The following XKR3 variants were observed in gnomAD, a reference collection of about 807,000 sequenced individuals.
XKR3 encodes the protein XK-related protein 3.
A neutral mutation model predicts 40.3 loss-of-function variants in XKR3; 27 were observed. The ratio of observed to expected loss-of-function variants is 0.67; its 90% CI spans 0.49 to 0.92. The LOEUF (loss-of-function observed/expected upper bound fraction) is 0.92, where lower values mean the gene tolerates loss of function less well. XKR3 is among the 40% of genes least tolerant of loss of function. The pLI, the probability that XKR3 is intolerant of heterozygous loss-of-function variation, is 0.00. For synonymous variants in XKR3, 193 were observed against 195.4 expected (o/e 0.99, Z 0.10); for missense variants, 472 against 537.6 (o/e 0.88, Z 1.21).
At chr22:16,803,318 T>C (rs2060176967) in intron 2 of XKR3, among the ~76,000 whole-genome samples, 1 of 151,986 alleles carries the variant, frequency 6.6e-6, no homozygotes, top group African/African-American at 2.4e-5. Flanking sequence ...AACACCACAC[T>C]AGAAAGCCAC....
intron 1 of XKR3, among the ~76,000 whole-genome samples, chr22:16,813,314 CA>C (rs970535996): frequency 2.7e-5 from 4 of 150,006 alleles, no homozygotes; most frequent in African/African-American, 4.9e-5. Context: ...AACAAACAAA[CA>C]AAAAAAAACA....
intron 2 of XKR3, among the ~76,000 whole-genome samples, chr22:16,805,331 T>A (rs1294415872): frequency 6.6e-6 from 1 of 152,178 alleles, no homozygotes; most frequent in Non-Finnish European, 1.5e-5. Flanking sequence ...TTATTTATAA[T>A]AACCTAAAAA....
At chr22:16,793,479 GTGTTGGGGGTTCTAC>G (rs2060128986) in intron 3 of XKR3, among the ~76,000 whole-genome samples, 1 of 152,234 alleles carries the variant, frequency 6.6e-6, no homozygotes, top group South Asian at 2.1e-4. Context: ...TTCAGTGTGT[GTGTTGGGGGTTCTAC>G]TTCATGTTAT....
intron 3 of XKR3, among the ~76,000 whole-genome samples, chr22:16,789,823 C>T (rs1461616810): frequency 6.6e-6 from 1 of 152,192 alleles, no homozygotes; most frequent in African/African-American, 2.4e-5. Flanking sequence ...AATAAATCCA[C>T]ACACGGATAG....
rs180678687 is a variant in XKR3, at chr22:16,813,047, G to A, written c.-10-4964C>T. Among the ~76,000 whole-genome samples the A allele has an allele frequency of 7.6e-4, 116 of 152,314 alleles. No homozygotes were observed. The East Asian group carries it at 0.019, about 25-fold the overall frequency. Reference sequence around the variant, plus strand: ...CGCCTGTAATCCCAGCACTTTGGGAGGCCGAGGCGGGTGGATCACGAGGTC... The same window carrying A: ...CGCCTGTAATCCCAGCACTTTGGGAAGCCGAGGCGGGTGGATCACGAGGTC... On this transcript the variant is annotated intron_variant, in intron 1 of 3. Transcript: ENST00000684488.
chr22:16,822,523 A>G lies in XKR3; in HGVS notation c.-11+2768T>C, dbSNP rs139946474. 6.1e-3 allele frequency among the ~76,000 whole-genome samples: 934 copies of G among 152,336 alleles called. 13 individuals carry two copies. Among genetic ancestry groups the G allele is most frequent in the African/African-American group, 0.022 (899 of 41,580 alleles). On this transcript the variant is annotated intron_variant, in intron 1 of 3. Coordinates refer to ENST00000684488, the MANE Select transcript of XKR3 (RefSeq NM_001386955.1). ...ATACCACAACTAAAAGGTAAAGCCT[A>G]TAAGAGAAATAAAAATAGTAAAATC... is the stretch of plus-strand genomic sequence containing the variant.
At chr22:16,819,892 A>C (rs1209586074) in intron 1 of XKR3, among the ~76,000 whole-genome samples, 1 of 152,190 alleles carries the variant, frequency 6.6e-6, no homozygotes, top group African/African-American at 2.4e-5. Context: ...AAAATTAATT[A>C]GCTAATGAAC....
At chr22:16,803,955 G>T (rs545455640) in intron 2 of XKR3, among the ~76,000 whole-genome samples, 2 of 152,192 alleles carry the variant, frequency 1.3e-5, no homozygotes, top group South Asian at 4.2e-4. Flanking sequence ...TCTTGCACAA[G>T]ATCCAAGAAC....
At chr22:16,823,327 A>G (rs1056068796) in intron 1 of XKR3, among the ~76,000 whole-genome samples, 11 of 152,232 alleles carry the variant, frequency 7.2e-5, no homozygotes, top group African/African-American at 2.7e-4. Context: ...CGTGGTACAC[A>G]GTGAAGTTTG....
chr22:16,799,314 TGA>T (rs1389636707), intron 3 of XKR3, among the ~76,000 whole-genome samples: 1 of 148,286 alleles, frequency 6.7e-6, no homozygotes, highest in East Asian at 2.0e-4. Flanking sequence ...CTCAGGAGGC[TGA>T]GTCAGAAGAA....
intron 1 of XKR3, among the ~76,000 whole-genome samples, chr22:16,821,884 G>C (rs5016127): frequency 0.6 from 91,010 of 151,802 alleles, 27,396 homozygotes; most frequent in African/African-American, 0.61. Flanking sequence ...CTGTTACATG[G>C]AGTTACAGTT....
rs2060115654 is a variant in XKR3 at position 16,791,530 on chromosome 22, T to A, written c.590-7121A>T. Among the ~76,000 whole-genome samples the A allele has an allele frequency of 2.0e-5, 3 of 150,708 alleles. No homozygotes were observed. In the South Asian group the frequency reaches 6.2e-4, roughly 31 times the overall value. ...AATATGTACACAGAATGGATATTAA[T>A]TGCTCTTACCAAAATAAAAAAAAAA... On this transcript the variant is annotated intron_variant, in intron 3 of 3. Coordinates refer to ENST00000684488, the MANE Select transcript of XKR3 (RefSeq NM_001386955.1).
At chr22:16,808,214 A>C (rs1286540824) in intron 1 of XKR3, 131 bp from the exon 2 acceptor site, 1 of 622,630 alleles carries the variant, frequency 1.6e-6, no homozygotes, top group African/African-American at 1.8e-5. Context: ...ATCACTAATC[A>C]GAATAGAAAA....
chr22:16,795,201 A>C (rs1458711831), intron 3 of XKR3, among the ~76,000 whole-genome samples: 5 of 152,200 alleles, frequency 3.3e-5, no homozygotes, highest in Non-Finnish European at 5.9e-5. Flanking sequence ...CACACAAAGC[A>C]CACACTCTTG....
At chr22:16,816,238 CCT>C (rs1336478858) in intron 1 of XKR3, among the ~76,000 whole-genome samples, 3 of 151,736 alleles carry the variant, frequency 2.0e-5, no homozygotes, top group Non-Finnish European at 3.0e-5. Context: ...GCCTTTGCCG[CCT>C]CTCTTTCAGC....
intron 1 of XKR3, among the ~76,000 whole-genome samples, chr22:16,814,979 A>G (rs1182751486): frequency 6.6e-6 from 1 of 151,500 alleles, no homozygotes; most frequent in Non-Finnish European, 1.5e-5. Flanking sequence ...TCAAAATCAA[A>G]CTCCCAGTAA....
Position 16,783,591 on chromosome 22 carries a change from T to C in XKR3, c.*28A>G. On this transcript the variant is annotated 3_prime_UTR_variant, in exon 4 of 4. Transcript: ENST00000684488. ...AAGTCACATTCAGCATCTTTACTCA[T>C]TGTTCTGTGAAAGTATATATGTATA... 6.7e-7 allele frequency: 1 copy of C among 1,495,192 alleles called. No individual in the cohort carries two copies. Among genetic ancestry groups the C allele is most frequent in the Non-Finnish European group, 8.9e-7 (1 of 1,119,458 alleles). 92.6% of individuals were successfully genotyped at this position (1,495,192 alleles called of 1,614,324 possible). A position where few individuals can be genotyped will look rare whatever the true frequency, so the allele number is the denominator to read the frequency against.
chr22:16,821,198 TATG>T (rs2060254261), intron 1 of XKR3, among the ~76,000 whole-genome samples: 2 of 152,164 alleles, frequency 1.3e-5, no homozygotes, highest in African/African-American at 4.8e-5. Flanking sequence ...TGTAATTTTC[TATG>T]ATAGCATTGA....
At chr22:16,784,672 C>A (rs1388669368) in intron 3 of XKR3, among the ~76,000 whole-genome samples, 2 of 152,096 alleles carry the variant, frequency 1.3e-5, no homozygotes, top group Non-Finnish European at 2.9e-5. Flanking sequence ...TATACACATT[C>A]CCTCAAAGAG....
Sources: allele counts gnomAD v4.1 joint callset (sites outside exome capture counted in the v4.1 genomes callset), GRCh38; gene constraint gnomAD v4.1.1; transcripts MANE v1.5; gene names NCBI Gene and HGNC (gene_info 2026-07-23, HGNC 2026-07-21).